Variants in YEATS2 observed in about 807,000 individuals in gnomAD.
YEATS2 encodes the protein YEATS domain containing 2.
In YEATS2, 77 loss-of-function variants were observed where a neutral mutation model predicts 163.2. The ratio of observed to expected loss-of-function variants is 0.47; its 90% CI spans 0.39 to 0.57. The LOEUF (loss-of-function observed/expected upper bound fraction) is 0.57, where lower values mean the gene tolerates loss of function less well. YEATS2 is among the 20% of genes least tolerant of loss of function. The pLI, the probability that YEATS2 is intolerant of heterozygous loss-of-function variation, is 0.00. For missense variants in YEATS2, 1,549 were observed against 1,729.8 expected (o/e 0.90, Z 1.85); for synonymous variants, 631 against 645.1 (o/e 0.98, Z 0.33).
chr3:183,785,683 T>C (rs995478735), intron 19 of YEATS2, among the ~76,000 whole-genome samples: 8 of 152,094 alleles, frequency 5.3e-5, no homozygotes, highest in African/African-American at 1.4e-4. Flanking sequence ...ATAAAAAATA[T>C]GTAATTTGTA....
chr3:183,746,155 T>C (rs1719515560), intron 8 of YEATS2, among the ~76,000 whole-genome samples: 1 of 152,114 alleles, frequency 6.6e-6, no homozygotes, highest in South Asian at 2.1e-4. Flanking sequence ...CTCAACCTCC[T>C]GGGCTCAAGA....
At chr3:183,698,082 G>C (rs1713662020) in intron 1 of YEATS2, 89 bp downstream of exon 1, 1 of 152,166 alleles carries the variant, frequency 6.6e-6, no homozygotes, top group Non-Finnish European at 1.5e-5. Context: ...GCGGGCACGT[G>C]CGCGCCCCTC....
At chr3:183,781,888 G>A (rs1723594041) in intron 19 of YEATS2, among the ~76,000 whole-genome samples, 1 of 151,352 alleles carries the variant, frequency 6.6e-6, no homozygotes, top group South Asian at 2.1e-4. Context: ...GGGCGATAGA[G>A]CAACACCCTG....
chr3:183,760,313 A>ATTTTTTTT (rs11417378), intron 13 of YEATS2, among the ~76,000 whole-genome samples: 1 of 110,314 alleles, frequency 9.1e-6, no homozygotes, highest in African/African-American at 3.6e-5. Context: ...AAACTACAGA[A>ATTTTTTTT]TTTTTTTTTT....
At chr3:183,800,392 CTTTG>C (rs1725556179) in intron 23 of YEATS2, 70 bp from the exon 24 acceptor site, 5 of 1,092,166 alleles carry the variant, frequency 4.6e-6, no homozygotes, top group South Asian at 1.4e-5. Context: ...ACTGTAAGAG[CTTTG>C]TTTGTGCCTG....
chr3:183,729,760 T>A (rs1717520834), intron 7 of YEATS2, among the ~76,000 whole-genome samples: 1 of 151,838 alleles, frequency 6.6e-6, no homozygotes, highest in Non-Finnish European at 1.5e-5. Flanking sequence ...CAACCTCTGC[T>A]TCAGGTTCAA....
At chr3:183,700,181 A>T (rs1713910270) in intron 1 of YEATS2, among the ~76,000 whole-genome samples, 1 of 152,202 alleles carries the variant, frequency 6.6e-6, no homozygotes, top group Admixed American at 6.5e-5. Context: ...CTTGACATAC[A>T]GCATGCAGAG....
intron 1 of YEATS2, among the ~76,000 whole-genome samples, chr3:183,704,839 G>A (rs1714461731): frequency 6.6e-6 from 1 of 152,022 alleles, no homozygotes; most frequent in African/African-American, 2.4e-5. Context: ...ACATTGGCCA[G>A]GCTAGTTTCA....
chr3:183,784,703 G>A (rs1161862859), intron 19 of YEATS2, among the ~76,000 whole-genome samples: 4 of 151,652 alleles, frequency 2.6e-5, no homozygotes, highest in East Asian at 3.9e-4. Context: ...CTCGTTTCAC[G>A]CTGTAATCGT....
At chr3:183,767,085 A>G (rs1056741246) in intron 15 of YEATS2, among the ~76,000 whole-genome samples, 8 of 152,198 alleles carry the variant, frequency 5.3e-5, no homozygotes, top group African/African-American at 1.9e-4. Context: ...AGTTTTTCCC[A>G]ACAGAATGCA....
chr3:183,737,601 G>A (rs1478520028), intron 8 of YEATS2, among the ~76,000 whole-genome samples: 1 of 152,182 alleles, frequency 6.6e-6, no homozygotes, highest in African/African-American at 2.4e-5. Flanking sequence ...ATAAAGTGGG[G>A]CAAATAATAA....
At chr3:183,717,049 C>A (rs1243536431) in intron 2 of YEATS2, among the ~76,000 whole-genome samples, 1 of 151,988 alleles carries the variant, frequency 6.6e-6, no homozygotes, top group Non-Finnish European at 1.5e-5. Flanking sequence ...CCCCCCACTA[C>A]GCCCAGCTAG....
intron 19 of YEATS2, among the ~76,000 whole-genome samples, chr3:183,778,981 C>G (rs1386804324): frequency 6.6e-6 from 1 of 151,924 alleles, no homozygotes; most frequent in Non-Finnish European, 1.5e-5. Flanking sequence ...GAGACAGAGT[C>G]TTTATCTGTT....
chr3:183,785,381 C>T (rs999851720), intron 19 of YEATS2, among the ~76,000 whole-genome samples: 3 of 150,206 alleles, frequency 2.0e-5, no homozygotes, highest in East Asian at 2.0e-4. Flanking sequence ...CCTAGCTACT[C>T]GGGAGGCTGA....
At chr3:183,770,115 G>A (rs1198753588) in intron 15 of YEATS2, among the ~76,000 whole-genome samples, 3 of 151,972 alleles carry the variant, frequency 2.0e-5, no homozygotes, top group Admixed American at 1.3e-4. Flanking sequence ...CTGGCCGGGT[G>A]CGGTGGCTCA....
In YEATS2 at chr3:183,798,937, A is replaced by G. The variant is rs1438894670; in HGVS notation, c.3273A>G (p.Val1091=). Residue 1091 remains valine, a synonymous_variant, in exon 23 of 31, where the codon GTA becomes GTG. Transcript: ENST00000305135. Reference sequence around the variant, plus strand: ...GCAAGCCACCTGCCATTCTGCCTGTAGCTGCCCCAACTCCAGTTGTCCCCA... The same window carrying G: ...GCAAGCCACCTGCCATTCTGCCTGTGGCTGCCCCAACTCCAGTTGTCCCCA... The part of the protein sequence containing the change: ...STSKPPAILP[V]AAPTPVVPSS... The G allele has an allele frequency of 1.2e-6, 2 of 1,614,122 alleles. No homozygotes were observed. Among genetic ancestry groups the G allele is most frequent in the Non-Finnish European group, 1.7e-6 (2 of 1,180,014 alleles).
At position 183,763,073 on chromosome 3, in the gene YEATS2, T is replaced by TAA. The variant is rs34593843; in HGVS notation, c.1947+804_1947+805dup. On this transcript the variant is annotated intron_variant, in intron 15 of 30. Transcript: ENST00000305135. ...CTCAAAAAAATAAAAATTAAAAAAT[T>TAA]AAAAAAAAAAATAGCACATAGAGCC... 1.4e-3 allele frequency among the ~76,000 whole-genome samples: 204 copies of TAA among 148,916 alleles called. 2 individuals carry two copies. In the East Asian group the frequency reaches 0.019, roughly 14 times the overall value.
chr3:183,728,703 G>C lies in YEATS2; in HGVS notation c.664G>C (p.Asp222His). Reference sequence around the variant, plus strand: ...CTTCTTCTCTAGGTATATACCTCCGGATAAGAGGGAAGAAAATGACCAGTC... The same window carrying C: ...CTTCTTCTCTAGGTATATACCTCCGCATAAGAGGGAAGAAAATGACCAGTC... ...VGNVSKYIPP[D>H]KREENDQSTH... Residue 222 changes from aspartate (D) to histidine (H), a missense_variant, in exon 7 of 31, where the codon GAT becomes CAT. Transcript: ENST00000305135. The C allele has an allele frequency of 6.2e-7, 1 of 1,610,140 alleles. No individual in the cohort carries two copies. Among genetic ancestry groups the C allele is most frequent in the Non-Finnish European group, 8.5e-7 (1 of 1,178,804 alleles).
At chr3:183,753,816 T>A (rs1720434989) in intron 10 of YEATS2, among the ~76,000 whole-genome samples, 4 of 152,322 alleles carry the variant, frequency 2.6e-5, no homozygotes, top group Middle Eastern at 3.4e-3. Flanking sequence ...GATTTTTTCT[T>A]CTCTAAACAG....
Sources: gnomAD v4.1 joint callset for allele counts (sites outside exome capture counted in the v4.1 genomes callset) on GRCh38, gnomAD v4.1.1 for gene constraint, MANE v1.5 for transcripts, NCBI Gene and HGNC (gene_info 2026-07-23, HGNC 2026-07-21) for gene names.